The following VWDE variants were observed in gnomAD, a reference collection of about 807,000 sequenced individuals.
VWDE encodes the protein von Willebrand factor D and EGF domains.
A neutral mutation model predicts 178.4 loss-of-function variants in VWDE; 207 were observed. The observed-to-expected ratio is 1.16, with a 90% confidence interval of 1.04 to 1.30. The LOEUF (loss-of-function observed/expected upper bound fraction) is 1.30, where lower values mean the gene tolerates loss of function less well. VWDE is among the 50% of genes most tolerant of loss of function. The pLI is 0.00. For synonymous variants in VWDE, 738 were observed against 651.4 expected, an observed-to-expected ratio of 1.13 and a Z score of -2.02; for missense variants, 2,287 against 1,901.3, an observed-to-expected ratio of 1.20 and a Z score of -3.77.
intron 13 of VWDE, among the ~76,000 whole-genome samples, chr7:12,363,458 A>G (rs79362222): frequency 0.11 from 17,273 of 152,070 alleles, 1,291 homozygotes; most frequent in East Asian, 0.29. Flanking sequence ...TGGATTTTGT[A>G]GAGTCTTGAC....
intron 2 of VWDE, among the ~76,000 whole-genome samples, chr7:12,393,258 C>G (rs1381667626): frequency 6.6e-6 from 1 of 152,158 alleles, no homozygotes; most frequent in African/African-American, 2.4e-5. Context: ...CAAAACTCAG[C>G]TTTTTGACCT....
chr7:12,384,622 CTATAA>C (rs1308800816), intron 3 of VWDE, among the ~76,000 whole-genome samples: 1 of 152,060 alleles, frequency 6.6e-6, no homozygotes, highest in Non-Finnish European at 1.5e-5. Flanking sequence ...TATGTGAAAT[CTATAA>C]TAATAGTGAA....
intron 17 of VWDE, 39 bp downstream of exon 17, chr7:12,357,226 A>G: frequency 6.5e-7 from 1 of 1,534,618 alleles, no homozygotes; most frequent in Non-Finnish European, 8.8e-7. Flanking sequence ...TTAAAATTGC[A>G]AAAGAATCCA....
intron 1 of VWDE, among the ~76,000 whole-genome samples, chr7:12,397,744 G>A (rs868410928): frequency 2.0e-5 from 3 of 152,180 alleles, no homozygotes; most frequent in Admixed American, 6.5e-5. Context: ...ATTGAAAAGT[G>A]GGCAAAAGAC....
chr7:12,368,900 C>T (rs929417676), intron 12 of VWDE, among the ~76,000 whole-genome samples: 4 of 151,962 alleles, frequency 2.6e-5, no homozygotes, highest in Non-Finnish European at 5.9e-5. Context: ...AAAATGACTA[C>T]AAGTTTTTAA....
chr7:12,370,763 T>A lies in VWDE; in HGVS notation c.1689A>T (p.Gly563=). ...APSVDYRNTL[G]LCGTFDENPE... ...GATTTTCATCAAAGGTTCCACAAAG[T>A]CCCAGAGTGTTTCTGTAATCTACAC... The change falls in exon 11 of 29, where the codon GGA becomes GGT. Residue 563 remains glycine, a synonymous_variant. Coordinates refer to ENST00000275358, the MANE Select transcript of VWDE (RefSeq NM_001135924.3). 1 of 1,550,014 alleles carries A rather than the reference T, an allele frequency of 6.5e-7. No homozygotes were observed. The highest frequency in any genetic ancestry group is 1.2e-5 in the South Asian group (1 of 83,842).
intron 1 of VWDE, among the ~76,000 whole-genome samples, chr7:12,395,217 T>G (rs1459836635): frequency 6.6e-6 from 1 of 152,134 alleles, no homozygotes. Context: ...TATGTGTAGA[T>G]AGGAGTCAAG....
In VWDE at chr7:12,337,039, G is replaced by C; in HGVS notation, c.4507C>G (p.Pro1503Ala). The change falls in exon 26 of 29, where the codon CCA (proline) becomes GCA (alanine). Residue 1503 changes from proline (P) to alanine (A), a missense_variant. Coordinates refer to ENST00000275358, the MANE Select transcript of VWDE (RefSeq NM_001135924.3). ...CCAGAAGGACAAGAGCAAGTGCTTGGTCCCACACATTTTCCTCCATTCATG... is the reference window on the plus strand; with the variant it reads ...CCAGAAGGACAAGAGCAAGTGCTTGCTCCCACACATTTTCCTCCATTCATG... ...TCMNGGKCVG[P>A]STCSCPSGWS... 2 of 1,551,496 alleles carry C rather than the reference G, an allele frequency of 1.3e-6. No individual in the cohort carries two copies. The highest frequency in any genetic ancestry group is 1.7e-6 in the Non-Finnish European group (2 of 1,146,902).
intron 19 of VWDE, among the ~76,000 whole-genome samples, 194 bp downstream of exon 19, chr7:12,351,379 C>T (rs6966667): frequency 0.66 from 101,063 of 152,024 alleles, 35,232 homozygotes; most frequent in African/African-American, 0.9. Context: ...AGGACATAAA[C>T]GCATTTTTTC....
intron 1 of VWDE, among the ~76,000 whole-genome samples, chr7:12,394,226 A>G (rs1382727717): frequency 6.6e-6 from 1 of 152,184 alleles, no homozygotes; most frequent in Non-Finnish European, 1.5e-5. Flanking sequence ...CATGGAATGC[A>G]ACAAACTGAA....
intron 27 of VWDE, among the ~76,000 whole-genome samples, chr7:12,334,206 T>C (rs543179829): frequency 1.3e-5 from 2 of 152,290 alleles, no homozygotes; most frequent in African/African-American, 4.8e-5. Context: ...ATAACTAAAA[T>C]GTTAAACATA....
intron 12 of VWDE, among the ~76,000 whole-genome samples, chr7:12,369,152 T>C (rs1348065133): frequency 6.6e-6 from 1 of 152,076 alleles, no homozygotes; most frequent in Non-Finnish European, 1.5e-5. Flanking sequence ...AAATACTAAA[T>C]TTGAGTTCTG....
intron 28 of VWDE, among the ~76,000 whole-genome samples, chr7:12,332,218 A>G (rs1256046638): frequency 6.6e-6 from 1 of 152,080 alleles, no homozygotes; most frequent in Non-Finnish European, 1.5e-5. Context: ...GATCAACAGA[A>G]TAAAGCCAGA....
rs945835221 is a variant in VWDE, at chr7:12,370,846, C to T, written c.1606G>A (p.Ala536Thr). Residue 536 changes from alanine to threonine, a missense_variant, in exon 11 of 29, where the codon GCA becomes ACA. Ala to Thr is a moderately conservative substitution (Grantham distance 58). Coordinates refer to ENST00000275358, the MANE Select transcript of VWDE (RefSeq NM_001135924.3). ...TCACCAAGATCAGCACGGATAAATG[C>T]CCCAGAAGAAAACCAGATCTGAAAA... ...RKVTIWFSSG[A>T]FIRADLGEWG... 3.9e-6 allele frequency: 6 copies of T among 1,528,400 alleles called. No homozygotes were observed. The East Asian group carries it at 9.9e-5, about 25-fold the overall frequency. 94.7% of individuals were successfully genotyped at this position (1,528,400 alleles called of 1,614,324 possible).
intron 13 of VWDE, among the ~76,000 whole-genome samples, chr7:12,363,406 T>C (rs935960491): frequency 2.6e-4 from 40 of 152,036 alleles, no homozygotes; most frequent in African/African-American, 9.4e-4. Flanking sequence ...ATTTCTTGGT[T>C]AACATCCTGT....
At chr7:12,384,394 A>G (rs1009198599) in intron 3 of VWDE, among the ~76,000 whole-genome samples, 1 of 151,990 alleles carries the variant, frequency 6.6e-6, no homozygotes, top group African/African-American at 2.4e-5. Flanking sequence ...AGGGTAGTGA[A>G]ACTAGTCTGT....
Position 12,347,223 on chromosome 7 carries a change from T to C in VWDE, c.3887-2754A>G, listed in dbSNP as rs547883345. Among the ~76,000 whole-genome samples the C allele has an allele frequency of 1.9e-4, 29 of 152,248 alleles. No homozygotes were observed. In the South Asian group the frequency reaches 6.0e-3, roughly 32 times the overall value. On this transcript the variant is annotated intron_variant, in intron 19 of 28. Coordinates refer to ENST00000275358, the MANE Select transcript of VWDE (RefSeq NM_001135924.3). ...AGAAGGGACTCCTTCCAGAACCAAA[T>C]TGTTTTAAGTGAACCTTCTCCTTAG... is the stretch of plus-strand genomic sequence containing the variant.
intron 7 of VWDE, among the ~76,000 whole-genome samples, chr7:12,377,107 T>G (rs1175030265): frequency 6.6e-6 from 1 of 152,138 alleles, no homozygotes; most frequent in African/African-American, 2.4e-5. Context: ...GATCTCTACA[T>G]CAGGGGCTCA....
chr7:12,352,420 T>C (rs972440250), intron 18 of VWDE, among the ~76,000 whole-genome samples: 1 of 152,160 alleles, frequency 6.6e-6, no homozygotes, highest in African/African-American at 2.4e-5. Context: ...CAAAAGTCCT[T>C]TTGTATTAAT....
Sources: allele counts gnomAD v4.1 joint callset (sites outside exome capture counted in the v4.1 genomes callset), GRCh38; gene constraint gnomAD v4.1.1; transcripts MANE v1.5; gene names NCBI Gene and HGNC (gene_info 2026-07-23, HGNC 2026-07-21).